EBF1: variants seen among roughly 807,000 people sequenced by gnomAD.
EBF1 encodes transcription factor COE1.
A neutral mutation model predicts 68.4 loss-of-function variants in EBF1; 10 were observed. The observed-to-expected ratio is 0.15, with a 90% confidence interval of 0.09 to 0.25. The LOEUF is 0.25. Ranked by LOEUF, EBF1 falls within the 10% of genes least tolerant of loss-of-function variation. EBF1 has a pLI of 1.00. For synonymous variants in EBF1, 298 were observed against 299.8 expected, an observed-to-expected ratio of 0.99 and a Z score of 0.06; for missense variants, 509 against 794.4, an observed-to-expected ratio of 0.64 and a Z score of 4.32.
chr5:158,713,161 G>C lies in EBF1; in HGVS notation c.1192-14C>G. 1 of 1,443,308 alleles carries C rather than the reference G, an allele frequency of 6.9e-7. No individual in the cohort carries two copies. The highest frequency in any genetic ancestry group is 9.2e-7 in the Non-Finnish European group (1 of 1,086,842). The allele number at this position is 1,443,308 out of a possible 1,614,324, so 89.4% of individuals were successfully genotyped here. ...CAGAATGATTTCCTGAAAAGTCAAA[G>C]GAATATCCCCTTCAGCTGCCCCCAG... On this transcript the variant is annotated splice_polypyrimidine_tract_variant and intron_variant, in intron 12 of 15. Coordinates refer to ENST00000313708, the MANE Select transcript of EBF1 (RefSeq NM_024007.5).
rs137865757 is a variant in EBF1 at position 159,079,589 on chromosome 5, A to T, written c.485+5077T>A. ...TTATATGACTCCCCCTCTTTGAAAC[A>T]CCCTCCTTTTATCTTTTTTTTTTTT... On this transcript the variant is annotated intron_variant, in intron 5 of 15. Transcript: ENST00000313708. 7.5e-3 allele frequency among the ~76,000 whole-genome samples: 975 copies of T among 130,202 alleles called. 6 individuals carry two copies. Among genetic ancestry groups the T allele is most frequent in the Admixed American group, 0.014 (173 of 12,662 alleles). 85.4% of individuals were successfully genotyped at this position (130,202 alleles called of 152,430 possible). A position where few individuals can be genotyped will look rare whatever the true frequency, so the allele number is the denominator to read the frequency against.
chr5:158,761,661 G>A (rs1333404921), intron 10 of EBF1, among the ~76,000 whole-genome samples: 1 of 152,172 alleles, frequency 6.6e-6, no homozygotes, highest in African/African-American at 2.4e-5. Flanking sequence ...AGGGCAGGAG[G>A]ACAAGGAATA....
intron 6 of EBF1, among the ~76,000 whole-genome samples, chr5:158,872,491 C>A (rs550942991): frequency 6.6e-6 from 1 of 152,322 alleles, no homozygotes; most frequent in East Asian, 1.9e-4. Context: ...TGAGCCACTG[C>A]ACCCGGCCCT....
At chr5:159,073,518 A>T (rs549938140) in intron 5 of EBF1, 54 bp from the exon 6 acceptor site, 1 of 1,600,084 alleles carries the variant, frequency 6.2e-7, no homozygotes, top group Non-Finnish European at 8.6e-7. Context: ...TAAAATCATC[A>T]TTTAGGCAGA....
At chr5:158,839,278 A>G (rs61478369) in intron 7 of EBF1, among the ~76,000 whole-genome samples, 4,205 of 152,336 alleles carry the variant, frequency 0.028, 203 homozygotes, top group African/African-American at 0.096. Flanking sequence ...AATTTCCAAA[A>G]TTGGAAGAGG....
intron 5 of EBF1, among the ~76,000 whole-genome samples, chr5:159,080,178 C>T (rs1324110364): frequency 6.6e-6 from 1 of 152,198 alleles, no homozygotes; most frequent in Non-Finnish European, 1.5e-5. Flanking sequence ...GGACTCTCCA[C>T]AGAGAAATTT....
intron 7 of EBF1, among the ~76,000 whole-genome samples, chr5:158,831,903 G>A (rs1787664554): frequency 6.6e-6 from 1 of 152,176 alleles, no homozygotes; most frequent in Non-Finnish European, 1.5e-5. Context: ...AATGAGTTTG[G>A]TGTATGTGGG....
At chr5:158,710,705 C>A (rs1561700765) in intron 14 of EBF1, among the ~76,000 whole-genome samples, 1 of 152,218 alleles carries the variant, frequency 6.6e-6, no homozygotes, top group Non-Finnish European at 1.5e-5. Flanking sequence ...GAAATAACTT[C>A]TCTTACAGGG....
intron 1 of EBF1, among the ~76,000 whole-genome samples, chr5:159,098,099 G>C (rs1160523313): frequency 6.6e-6 from 1 of 152,252 alleles, no homozygotes; most frequent in Non-Finnish European, 1.5e-5. Context: ...AGCTGGAGAT[G>C]ATGTAATTAG....
intron 6 of EBF1, among the ~76,000 whole-genome samples, chr5:159,071,051 C>G (rs1003778137): frequency 4.9e-4 from 74 of 152,190 alleles, no homozygotes; most frequent in African/African-American, 1.7e-3. Flanking sequence ...TTATTCTCTT[C>G]TCTCGCTGTT....
intron 6 of EBF1, among the ~76,000 whole-genome samples, chr5:158,866,870 T>C (rs1231097081): frequency 1.4e-4 from 6 of 41,948 alleles, no homozygotes; most frequent in Non-Finnish European, 2.9e-4. Context: ...TATATATATA[T>C]ATATATATAT....
intron 6 of EBF1, among the ~76,000 whole-genome samples, chr5:158,865,977 T>C (rs1246162236): frequency 6.6e-6 from 1 of 152,152 alleles, no homozygotes; most frequent in Non-Finnish European, 1.5e-5. Context: ...AGGAAGTGAG[T>C]TAGAGGTTGC....
intron 10 of EBF1, 34 bp downstream of exon 10, chr5:158,777,379 C>T: frequency 1.9e-6 from 3 of 1,565,418 alleles, no homozygotes; most frequent in Non-Finnish European, 2.6e-6. Context: ...AAGACCACGG[C>T]AGTTCTGTGC....
At position 158,707,963 on chromosome 5, in the gene EBF1, G is replaced by A. The variant is rs1436178503; in HGVS notation, c.1744+16C>T. ...GGGCATTGAATCTGGATTGGCAGGT[G>A]GGGCCTGGGGCTTACCTTGCAGGCT... On this transcript the variant is annotated intron_variant, in intron 15 of 15. Transcript: ENST00000313708. 1 of 1,544,934 alleles carries A rather than the reference G, an allele frequency of 6.5e-7. No homozygotes were observed. The highest frequency in any genetic ancestry group is 8.8e-7 in the Non-Finnish European group (1 of 1,142,816).
chr5:158,967,158 T>C (rs1754344658), intron 6 of EBF1, among the ~76,000 whole-genome samples: 1 of 152,196 alleles, frequency 6.6e-6, no homozygotes, highest in African/African-American at 2.4e-5. Context: ...TCCCTTCCAT[T>C]TAACAAATGC....
chr5:158,849,464 G>A lies in EBF1; in HGVS notation c.555-9354C>T, dbSNP rs577941840. On this transcript the variant is annotated intron_variant, in intron 6 of 15. Transcript: ENST00000313708. ...TCCAGGTGCGGTATAAATGTACTGAGCTCATGAAACCTTCCCAGATACCCA... is the reference window on the plus strand; with the variant it reads ...TCCAGGTGCGGTATAAATGTACTGAACTCATGAAACCTTCCCAGATACCCA... 9.2e-5 allele frequency among the ~76,000 whole-genome samples: 14 copies of A among 152,212 alleles called. No individual in the cohort carries two copies. In the South Asian group the frequency reaches 1.5e-3, roughly 16 times the overall value.
intron 6 of EBF1, among the ~76,000 whole-genome samples, chr5:158,938,903 C>T (rs1232374728): frequency 6.6e-6 from 1 of 152,110 alleles, no homozygotes; most frequent in East Asian, 1.9e-4. Flanking sequence ...TTTTTTAGGA[C>T]CTACCCTTAA....
rs1212295689 is a variant in EBF1 at position 158,698,870 on chromosome 5, A to T, written c.*241T>A. On this transcript the variant is annotated 3_prime_UTR_variant, in exon 16 of 16. Coordinates refer to ENST00000313708, the MANE Select transcript of EBF1 (RefSeq NM_024007.5). The stretch of plus-strand genomic sequence containing the variant: ...AGTGGATTTGCTTTTGTCAATACAG[A>T]ATAAATATATCCCCCAAATACTTGG... 4.9e-6 allele frequency: 2 copies of T among 411,624 alleles called. No homozygotes were observed. Among genetic ancestry groups the T allele is most frequent in the African/African-American group, 4.1e-5 (2 of 48,626 alleles). The allele number at this position is 411,624 out of a possible 1,614,324, so 25.5% of individuals were successfully genotyped here.
intron 6 of EBF1, among the ~76,000 whole-genome samples, chr5:158,879,344 C>A (rs535907756): frequency 6.6e-6 from 1 of 152,204 alleles, no homozygotes; most frequent in South Asian, 2.1e-4. Flanking sequence ...AGAGTACATG[C>A]GTCAAGATGG....
Sources: allele counts gnomAD v4.1 joint callset (sites outside exome capture counted in the v4.1 genomes callset), GRCh38; gene constraint gnomAD v4.1.1; transcripts MANE v1.5; gene names NCBI Gene and HGNC (gene_info 2026-07-23, HGNC 2026-07-21).